Variants in SLC24A3 observed in about 807,000 individuals in gnomAD.
SLC24A3 encodes the protein sodium/potassium/calcium exchanger 3.
A neutral mutation model predicts 75.8 loss-of-function variants in SLC24A3; 28 were observed. The ratio of observed to expected loss-of-function variants is 0.37; its 90% CI spans 0.27 to 0.51. The LOEUF (loss-of-function observed/expected upper bound fraction) is 0.51, where lower values mean the gene tolerates loss of function less well. SLC24A3 is among the 20% of genes least tolerant of loss of function. The pLI, the probability that SLC24A3 is intolerant of heterozygous loss-of-function variation, is 0.94. For synonymous variants in SLC24A3, 372 were observed against 334.1 expected (o/e 1.11, Z -1.24); for missense variants, 663 against 847.8 (o/e 0.78, Z 2.71).
At chr20:19,408,286 CA>C (rs1446763885) in intron 2 of SLC24A3, among the ~76,000 whole-genome samples, 2 of 151,914 alleles carry the variant, frequency 1.3e-5, no homozygotes, top group African/African-American at 4.8e-5. Flanking sequence ...ATTCTATAAA[CA>C]TTTTTTTTAA....
intron 3 of SLC24A3, among the ~76,000 whole-genome samples, chr20:19,549,645 G>A (rs1281090619): frequency 6.6e-6 from 1 of 152,132 alleles, no homozygotes; most frequent in Non-Finnish European, 1.5e-5. Context: ...TTAGCAAGGT[G>A]TGTTGGCGGG....
chr20:19,268,986 T>C (rs527685457), intron 1 of SLC24A3, among the ~76,000 whole-genome samples: 8 of 152,360 alleles, frequency 5.3e-5, no homozygotes, highest in Admixed American at 3.9e-4. Flanking sequence ...TGTCTCCTCT[T>C]GCCACTGCAG....
chr20:19,629,130 AAC>A (rs147145773), intron 6 of SLC24A3, among the ~76,000 whole-genome samples: 2,139 of 150,820 alleles, frequency 0.014, 21 homozygotes, highest in Non-Finnish European at 0.02. Context: ...TGAGCTATAA[AAC>A]ACACACACAC....
intron 2 of SLC24A3, among the ~76,000 whole-genome samples, chr20:19,292,347 T>G (rs577593583): frequency 6.6e-6 from 1 of 152,168 alleles, no homozygotes; most frequent in Non-Finnish European, 1.5e-5. Flanking sequence ...TTCTCTGGTT[T>G]TTAGGGCGTG....
intron 3 of SLC24A3, among the ~76,000 whole-genome samples, chr20:19,570,877 G>A (rs746505044): frequency 2.1e-4 from 32 of 152,148 alleles, no homozygotes; most frequent in Admixed American, 2.6e-4. Context: ...GCAAACTCAC[G>A]AATTCTTTTT....
At chr20:19,467,652 G>A (rs577243815) in intron 2 of SLC24A3, among the ~76,000 whole-genome samples, 1 of 152,280 alleles carries the variant, frequency 6.6e-6, no homozygotes, top group South Asian at 2.1e-4. Flanking sequence ...AGCCCGAGGA[G>A]TGTGGATCAC....
intron 2 of SLC24A3, among the ~76,000 whole-genome samples, chr20:19,430,013 C>A (rs947278093): frequency 6.6e-6 from 1 of 152,054 alleles, no homozygotes; most frequent in African/African-American, 2.4e-5. Context: ...AGGGGCTGCA[C>A]AAAGGCATCT....
intron 2 of SLC24A3, among the ~76,000 whole-genome samples, chr20:19,364,855 C>G (rs1985858956): frequency 6.6e-6 from 1 of 152,158 alleles, no homozygotes; most frequent in South Asian, 2.1e-4. Context: ...GTGCCATTAT[C>G]TGCAGGGTCA....
chr20:19,645,912 C>T (rs2032131416), intron 6 of SLC24A3, among the ~76,000 whole-genome samples: 1 of 151,944 alleles, frequency 6.6e-6, no homozygotes, highest in Non-Finnish European at 1.5e-5. Flanking sequence ...AAAATCAGCC[C>T]AGCGTGGTGG....
In SLC24A3 at chr20:19,252,643, C is replaced by CAGGG. The variant is rs113050087; in HGVS notation, c.143-28316_143-28315insAGGG. Among the ~76,000 whole-genome samples, 75 of 133,440 alleles carry CAGGG rather than the reference C, an allele frequency of 5.6e-4. 3 individuals carry two copies. In the East Asian group the frequency reaches 1.0e-2, roughly 18 times the overall value. 87.5% of individuals were successfully genotyped at this position (133,440 alleles called of 152,430 possible). Reference sequence around the variant, plus strand: ...AACAAAAAGCCTGAAATTGGAATGGCGGGGGGGGGTGCCTGTTCCAGAAAC... The same window carrying CAGGG: ...AACAAAAAGCCTGAAATTGGAATGGCAGGGGGGGGGGGGTGCCTGTTCCAGAAAC... On this transcript the variant is annotated intron_variant, in intron 1 of 16. Transcript: ENST00000328041.
chr20:19,565,085 G>A (rs939488045), intron 3 of SLC24A3, among the ~76,000 whole-genome samples: 19 of 152,128 alleles, frequency 1.2e-4, no homozygotes, highest in African/African-American at 3.9e-4. Context: ...GGATTACATC[G>A]TGTGCCAACA....
chr20:19,290,063 A>AGCC (rs1438492878), intron 2 of SLC24A3, among the ~76,000 whole-genome samples: 1 of 152,146 alleles, frequency 6.6e-6, no homozygotes, highest in Non-Finnish European at 1.5e-5. Flanking sequence ...CAGCAGCAGC[A>AGCC]GCCCCTGGGT....
chr20:19,277,142 G>C (rs182881947), intron 1 of SLC24A3, among the ~76,000 whole-genome samples: 1 of 152,190 alleles, frequency 6.6e-6, no homozygotes, highest in African/African-American at 2.4e-5. Flanking sequence ...CCAAGAATTT[G>C]TCCTTTGAGG....
chr20:19,447,703 G>A lies in SLC24A3; in HGVS notation c.272-67785G>A, dbSNP rs185683431. On this transcript the variant is annotated intron_variant, in intron 2 of 16. Coordinates refer to ENST00000328041, the MANE Select transcript of SLC24A3 (RefSeq NM_020689.4). ...ATTCAAGCACATCTTGATGGGGTGC[G>A]ATGATGGTTGTTCCTCTGTGAAGCT... Among the ~76,000 whole-genome samples the A allele has an allele frequency of 4.5e-4, 68 of 152,286 alleles. 1 individual carries two copies. The highest frequency in any genetic ancestry group is 1.9e-4 in the East Asian group (1 of 5,170).
chr20:19,398,305 A>C (rs79530426), intron 2 of SLC24A3, among the ~76,000 whole-genome samples: 1 of 152,170 alleles, frequency 6.6e-6, no homozygotes, highest in African/African-American at 2.4e-5. Context: ...CTTCCAACAC[A>C]TGAATATGGT....
intron 2 of SLC24A3, among the ~76,000 whole-genome samples, chr20:19,491,797 G>A (rs1431464992): frequency 6.6e-6 from 1 of 152,168 alleles, no homozygotes; most frequent in Non-Finnish European, 1.5e-5. Flanking sequence ...TCAAAACACT[G>A]CCCGGGAAGG....
chr20:19,224,878 T>A (rs1403360175), intron 1 of SLC24A3, among the ~76,000 whole-genome samples: 3 of 152,202 alleles, frequency 2.0e-5, no homozygotes, highest in Non-Finnish European at 4.4e-5. Context: ...CTTGGTAAAA[T>A]TTTTTCAAAT....
chr20:19,438,575 C>G (rs1600230265), intron 2 of SLC24A3, among the ~76,000 whole-genome samples: 1 of 151,506 alleles, frequency 6.6e-6, no homozygotes, highest in East Asian at 1.9e-4. Flanking sequence ...CCTAGCACCC[C>G]TACATGGTAG....
chr20:19,477,578 G>C (rs1987981856), intron 2 of SLC24A3, among the ~76,000 whole-genome samples: 1 of 152,212 alleles, frequency 6.6e-6, no homozygotes. Flanking sequence ...TTCATCCAGA[G>C]TTCAGCATCA....
Sources: allele counts gnomAD v4.1 joint callset (sites outside exome capture counted in the v4.1 genomes callset), GRCh38; gene constraint gnomAD v4.1.1; transcripts MANE v1.5; gene names NCBI Gene and HGNC (gene_info 2026-07-23, HGNC 2026-07-21).